Variants in CPA6 observed in about 807,000 individuals in gnomAD.
CPA6 encodes the protein carboxypeptidase B.
A neutral mutation model predicts 63.3 loss-of-function variants in CPA6; 58 were observed. The ratio of observed to expected loss-of-function variants is 0.92; its 90% CI spans 0.74 to 1.14. CPA6 has a LOEUF of 1.14. CPA6 is among the 50% of genes most tolerant of loss of function. The pLI is 0.00. For missense variants in CPA6, 565 were observed against 526.6 expected, an observed-to-expected ratio of 1.07 and a Z score of -0.71; for synonymous variants, 185 against 179.0, an observed-to-expected ratio of 1.03 and a Z score of -0.27.
At chr8:67,427,495 C>T (rs948706993) in intron 10 of CPA6, among the ~76,000 whole-genome samples, 2 of 152,064 alleles carry the variant, frequency 1.3e-5, no homozygotes, top group Non-Finnish European at 1.5e-5. Flanking sequence ...GAAGAACCTA[C>T]GTGGAGTGAA....
At chr8:67,649,022 T>C (rs758503197) in intron 1 of CPA6, among the ~76,000 whole-genome samples, 1 of 152,130 alleles carries the variant, frequency 6.6e-6, no homozygotes, top group Non-Finnish European at 1.5e-5. Context: ...TGAATGATCT[T>C]TACATCTTTG....
intron 8 of CPA6, among the ~76,000 whole-genome samples, chr8:67,456,093 A>G (rs1327336338): frequency 6.6e-6 from 1 of 152,206 alleles, no homozygotes; most frequent in Non-Finnish European, 1.5e-5. Context: ...GTAATTACAT[A>G]TTTATTTTCC....
rs187885053 is a variant in CPA6 at position 67,620,720 on chromosome 8, C to T, written c.192+3456G>A. ...CAAATTTAAAATGACATCAAGGTAA[C>T]GCAATGCTTTTAGATAGAAATTTAT... On this transcript the variant is annotated intron_variant, in intron 2 of 10. Transcript: ENST00000297770. Among the ~76,000 whole-genome samples, 10 of 152,214 alleles carry T rather than the reference C, an allele frequency of 6.6e-5. No individual in the cohort carries two copies. The East Asian group carries it at 7.7e-4, about 12-fold the overall frequency.
intron 1 of CPA6, among the ~76,000 whole-genome samples, chr8:67,677,538 C>T (rs1443496123): frequency 6.6e-6 from 1 of 152,104 alleles, no homozygotes; most frequent in Non-Finnish European, 1.5e-5. Context: ...AAAAAGCCAA[C>T]TCACAAATGA....
intron 2 of CPA6, among the ~76,000 whole-genome samples, chr8:67,575,230 A>G (rs1318663081): frequency 6.6e-6 from 1 of 152,240 alleles, no homozygotes; most frequent in Non-Finnish European, 1.5e-5. Context: ...AAAAGAGGAA[A>G]GATAACAAGT....
intron 1 of CPA6, among the ~76,000 whole-genome samples, chr8:67,711,964 C>T (rs935109096): frequency 3.9e-5 from 6 of 152,170 alleles, no homozygotes; most frequent in Non-Finnish European, 7.3e-5. Flanking sequence ...CCGATCTGCA[C>T]TGGGACGGAT....
chr8:67,561,786 G>T (rs1813218868), intron 2 of CPA6, among the ~76,000 whole-genome samples: 1 of 152,176 alleles, frequency 6.6e-6, no homozygotes, highest in African/African-American at 2.4e-5. Context: ...GTACTCTAAA[G>T]AATTCAGCAT....
chr8:67,582,241 G>A (rs1332320665), intron 2 of CPA6, among the ~76,000 whole-genome samples: 1 of 152,118 alleles, frequency 6.6e-6, no homozygotes, highest in African/African-American at 2.4e-5. Context: ...CATCGCACAA[G>A]GTCAGTTCCA....
At chr8:67,624,304 A>T in intron 1 of CPA6, 53 bp from the exon 2 acceptor site, 1 of 1,001,234 alleles carries the variant, frequency 1.0e-6, no homozygotes, top group South Asian at 1.5e-5. Context: ...TAAAGATATT[A>T]GTCATCTCTT....
intron 1 of CPA6, among the ~76,000 whole-genome samples, chr8:67,696,779 T>C (rs1002400702): frequency 1.3e-5 from 2 of 152,162 alleles, no homozygotes; most frequent in Non-Finnish European, 2.9e-5. Context: ...ATTTATACCA[T>C]ATCCTGGAAA....
At chr8:67,426,396 ATATAT>A (rs1809885266) in intron 10 of CPA6, among the ~76,000 whole-genome samples, 1 of 152,150 alleles carries the variant, frequency 6.6e-6, no homozygotes. Context: ...AAATGTTTAT[ATATAT>A]TATGTTGGCA....
chr8:67,422,236 T>C lies in CPA6; in HGVS notation c.*268A>G, dbSNP rs1809778932. 6.4e-6 allele frequency: 2 copies of C among 310,534 alleles called. No individual in the cohort carries two copies. Among genetic ancestry groups the C allele is most frequent in the Non-Finnish European group, 1.2e-5 (2 of 170,666 alleles). 19.2% of individuals were successfully genotyped at this position (310,534 alleles called of 1,614,324 possible). On this transcript the variant is annotated 3_prime_UTR_variant, in exon 11 of 11. Coordinates refer to ENST00000297770, the MANE Select transcript of CPA6 (RefSeq NM_020361.5). ...ATTAATATGAACATTTCTTGAGAAA[T>C]GGGAAATTTGAAAACATTCCCTCCC...
chr8:67,429,794 A>T (rs144450897), intron 9 of CPA6: 12 of 152,172 alleles, frequency 7.9e-5, no homozygotes, highest in African/African-American at 2.9e-4. Flanking sequence ...ATTTAGGCTG[A>T]CTAAACCCAA....
intron 1 of CPA6, among the ~76,000 whole-genome samples, chr8:67,671,301 C>A (rs1816338041): frequency 1.3e-5 from 2 of 152,142 alleles, no homozygotes; most frequent in Non-Finnish European, 1.5e-5. Context: ...TGTGGTACCA[C>A]CTCCCCTATC....
At chr8:67,678,880 C>T (rs954953396) in intron 1 of CPA6, among the ~76,000 whole-genome samples, 11 of 152,092 alleles carry the variant, frequency 7.2e-5, no homozygotes, top group African/African-American at 4.8e-5. Context: ...AGGTATATCG[C>T]GATATGAGAA....
At chr8:67,477,289 C>CAA (rs10570927) in intron 8 of CPA6, among the ~76,000 whole-genome samples, 18 of 66,400 alleles carry the variant, frequency 2.7e-4, no homozygotes, top group East Asian at 4.8e-4. Context: ...GACTCCATCT[C>CAA]AAAAAAAAAA....
intron 1 of CPA6, among the ~76,000 whole-genome samples, chr8:67,638,217 C>G (rs1815514027): frequency 6.6e-6 from 1 of 151,112 alleles, no homozygotes; most frequent in Non-Finnish European, 1.5e-5. Context: ...CATGTAAAGC[C>G]TTAAAGATAA....
rs147402539 is a variant in CPA6 at position 67,441,037 on chromosome 8, T to TG, written c.839-6798dup. ...TCCAAGGTTTCAGTGGATATGAATT[T>TG]GGGGGGAACAAAATCCCACCACAGT... is the stretch of plus-strand genomic sequence containing the variant. On this transcript the variant is annotated intron_variant, in intron 8 of 10. Transcript: ENST00000297770. Among the ~76,000 whole-genome samples, 1,209 of 152,282 alleles carry TG rather than the reference T, an allele frequency of 7.9e-3. 13 individuals are homozygous for TG. The highest frequency in any genetic ancestry group is 0.028 in the African/African-American group (1,164 of 41,556).
At chr8:67,591,059 TG>T (rs1814108100) in intron 2 of CPA6, among the ~76,000 whole-genome samples, 1 of 150,686 alleles carries the variant, frequency 6.6e-6, no homozygotes, top group Non-Finnish European at 1.5e-5. Flanking sequence ...AATTAATTTT[TG>T]TATAAGGTGT....
Sources: gnomAD v4.1 joint callset for allele counts (sites outside exome capture counted in the v4.1 genomes callset) on GRCh38, gnomAD v4.1.1 for gene constraint, MANE v1.5 for transcripts, NCBI Gene and HGNC (gene_info 2026-07-23, HGNC 2026-07-21) for gene names.